Variants in GEMIN5 observed in about 807,000 individuals in gnomAD.
GEMIN5 encodes the protein gem nuclear organelle associated protein 5.
Under a neutral mutation model 176.9 loss-of-function variants are expected in GEMIN5, and 124 were observed. The ratio of observed to expected loss-of-function variants is 0.70; its 90% CI spans 0.61 to 0.81. The LOEUF is 0.81. Ranked by LOEUF, GEMIN5 falls within the 40% of genes least tolerant of loss-of-function variation. The pLI, the probability that GEMIN5 is intolerant of heterozygous loss-of-function variation, is 0.00. For missense variants in GEMIN5, 1,843 were observed against 1,814.6 expected (o/e 1.02, Z -0.28); for synonymous variants, 673 against 665.2 (o/e 1.01, Z -0.18).
rs1763894921 is a variant in GEMIN5 at position 154,920,115 on chromosome 5, A to G, written c.1463-12T>C. ...GTCTCCTTCTCCTCCTGTATGAAAT[A>G]AGAAAAGAAACTTATCAGTTTTGTA... On this transcript the variant is annotated splice_polypyrimidine_tract_variant and intron_variant, in intron 10 of 27. Coordinates refer to ENST00000285873, the MANE Select transcript of GEMIN5 (RefSeq NM_015465.5). 14 of 1,604,396 alleles carry G rather than the reference A, an allele frequency of 8.7e-6. 1 individual carries two copies. Among genetic ancestry groups the G allele is most frequent in the Non-Finnish European group, 1.2e-5 (14 of 1,176,138 alleles).
In GEMIN5 at chr5:154,899,272, T is replaced by G; in HGVS notation, c.3053A>C (p.Glu1018Ala). The G allele has an allele frequency of 6.2e-7, 1 of 1,612,604 alleles. No homozygotes were observed. The highest frequency in any genetic ancestry group is 8.5e-7 in the Non-Finnish European group (1 of 1,179,230). Reference sequence around the variant, plus strand: ...GTACAAGTCCTTCAGGACTGGGTCCTCCGGGCGCAGCCGGGCCTTGGCAAT... The same window carrying G: ...GTACAAGTCCTTCAGGACTGGGTCCGCCGGGCGCAGCCGGGCCTTGGCAAT... ...IAIAKARLRP[E>A]DPVLKDLYLS... Residue 1018 changes from glutamate to alanine, a missense_variant, in exon 22 of 28, where the codon GAG (glutamate) becomes GCG (alanine). Physicochemically the swap from Glu to Ala is moderately radical, Grantham distance 107. Coordinates refer to ENST00000285873, the MANE Select transcript of GEMIN5 (RefSeq NM_015465.5).
At chr5:154,899,130 C>T (rs564230705) in intron 22 of GEMIN5, 61 bp downstream of exon 22, 2 of 1,512,790 alleles carry the variant, frequency 1.3e-6, no homozygotes, top group East Asian at 2.3e-5. Context: ...GTATTCTTGT[C>T]CTCCCCTTCC....
Position 154,935,864 on chromosome 5 carries a change from A to T in GEMIN5, c.486T>A (p.His162Gln). 1 of 1,613,346 alleles carries T rather than the reference A, an allele frequency of 6.2e-7. No individual in the cohort carries two copies. Among genetic ancestry groups the T allele is most frequent in the East Asian group, 2.2e-5 (1 of 44,866 alleles). ...RTIFCLTCSPHHEDLVAIGYK... is the reference protein window; with the variant it reads ...RTIFCLTCSPQHEDLVAIGYK... ...ACCCAATGGCTACTAAATCTTCATG[A>T]TGAGGTGAACAAGTAAGACAGAAAA... The change falls in exon 3 of 28, where the codon CAT (histidine) becomes CAA (glutamine). Residue 162 changes from histidine to glutamine, a missense_variant. Physicochemically the swap from His to Gln is conservative, Grantham distance 24. Transcript: ENST00000285873.
chr5:154,896,925 TATAACA>T (rs1405429978), intron 23 of GEMIN5, among the ~76,000 whole-genome samples: 1 of 152,242 alleles, frequency 6.6e-6, no homozygotes, highest in Non-Finnish European at 1.5e-5. Context: ...TGTGTACTCC[TATAACA>T]ATATCTTCTC....
intron 13 of GEMIN5, 70 bp from the exon 14 acceptor site, chr5:154,913,108 G>T (rs1023954525): frequency 8.9e-5 from 114 of 1,286,158 alleles, no homozygotes; most frequent in Non-Finnish European, 1.1e-4. Context: ...GTACATCCAG[G>T]AAGGCATTCA....
In GEMIN5 at chr5:154,907,621, G is replaced by T. The variant is rs1763595390; in HGVS notation, c.2365C>A (p.Pro789Thr). The change falls in exon 16 of 28, where the codon CCG (proline) becomes ACG (threonine). Residue 789 changes from proline to threonine, a missense_variant. Coordinates refer to ENST00000285873, the MANE Select transcript of GEMIN5 (RefSeq NM_015465.5). ...DQEGEEQARE[P>T]ELPCGLAPAV... is the part of the protein sequence containing the mutation. ...GGAGCAAGGCCACAGGGTAATTCCGGCTCCCGTGCTTGCTCCTCCCCTTCT... is the reference window on the plus strand; with the variant it reads ...GGAGCAAGGCCACAGGGTAATTCCGTCTCCCGTGCTTGCTCCTCCCCTTCT... The T allele has an allele frequency of 6.2e-7, 1 of 1,613,744 alleles. No individual in the cohort carries two copies. Among genetic ancestry groups the T allele is most frequent in the African/African-American group, 1.3e-5 (1 of 74,882 alleles).
At chr5:154,895,993 C>T (rs1360523140) in intron 24 of GEMIN5, 99 bp downstream of exon 24, 1 of 1,384,948 alleles carries the variant, frequency 7.2e-7, no homozygotes, top group African/African-American at 1.5e-5. Context: ...TTCTGAAACA[C>T]AGTCCAGTAT....
At chr5:154,894,095 C>T (rs1763296262) in intron 24 of GEMIN5, among the ~76,000 whole-genome samples, 1 of 152,092 alleles carries the variant, frequency 6.6e-6, no homozygotes, top group South Asian at 2.1e-4. Flanking sequence ...CAGGCTTGTG[C>T]TACCACACCC....
intron 22 of GEMIN5, 37 bp from the exon 23 acceptor site, chr5:154,898,687 AAC>A: frequency 4.8e-6 from 7 of 1,467,414 alleles, no homozygotes; most frequent in Non-Finnish European, 6.7e-6. Context: ...AAATGTCACA[AAC>A]AGATTTTTAT....
chr5:154,902,748 G>C, intron 19 of GEMIN5, 72 bp from the exon 20 acceptor site: 1 of 1,491,384 alleles, frequency 6.7e-7, no homozygotes, highest in Non-Finnish European at 9.2e-7. Flanking sequence ...GAAAAGAAAG[G>C]CAAGATAGAA....
Position 154,929,954 on chromosome 5 carries a change from G to T in GEMIN5, c.782-1295C>A, listed in dbSNP as rs1764126223. Reference sequence around the variant, plus strand: ...ATGGAAGCAACCCAAATGTCCATCAGTGTGTGAGATATGAGTTCTAAATTT... The same window carrying T: ...ATGGAAGCAACCCAAATGTCCATCATTGTGTGAGATATGAGTTCTAAATTT... On this transcript the variant is annotated intron_variant, in intron 5 of 27. Coordinates refer to ENST00000285873, the MANE Select transcript of GEMIN5 (RefSeq NM_015465.5). Among the ~76,000 whole-genome samples, 12 of 152,204 alleles carry T rather than the reference G, an allele frequency of 7.9e-5. 1 individual carries two copies. The highest frequency in any genetic ancestry group is 7.9e-4 in the Admixed American group (12 of 15,282).
chr5:154,928,700 G>A, intron 5 of GEMIN5, 41 bp from the exon 6 acceptor site: 2 of 1,597,954 alleles, frequency 1.3e-6, no homozygotes, highest in Non-Finnish European at 1.7e-6. Flanking sequence ...TCAAGACAGT[G>A]AAACTACATG....
intron 24 of GEMIN5, among the ~76,000 whole-genome samples, chr5:154,895,167 G>C (rs1763323180): frequency 1.3e-5 from 2 of 151,912 alleles, no homozygotes; most frequent in Admixed American, 1.3e-4. Context: ...GAGAAGCCTT[G>C]TTCCTCATAA....
At chr5:154,911,239 C>T (rs1237387370) in intron 15 of GEMIN5, among the ~76,000 whole-genome samples, 1 of 152,010 alleles carries the variant, frequency 6.6e-6, no homozygotes, top group East Asian at 1.9e-4. Flanking sequence ...CTGGGCTGGG[C>T]ACGGTGGCTC....
At chr5:154,903,212 C>A (rs1294427444) in intron 18 of GEMIN5, 37 bp from the exon 19 acceptor site, 1 of 1,302,014 alleles carries the variant, frequency 7.7e-7, no homozygotes, top group African/African-American at 1.4e-5. Context: ...CAGATGAAGT[C>A]ATTACATTGA....
intron 7 of GEMIN5, among the ~76,000 whole-genome samples, chr5:154,926,883 A>C (rs1479780133): frequency 1.3e-5 from 2 of 152,142 alleles, no homozygotes; most frequent in Non-Finnish European, 2.9e-5. Context: ...ATCTCTACTA[A>C]AAACACACAC....
rs753843100 is a variant in GEMIN5, at chr5:154,891,814, T to C, written c.3761-72A>G. The C allele has an allele frequency of 9.1e-6, 13 of 1,423,198 alleles. No homozygotes were observed. The Admixed American group carries it at 1.6e-4, about 17-fold the overall frequency. 88.2% of individuals were successfully genotyped at this position (1,423,198 alleles called of 1,614,324 possible). A position where few individuals can be genotyped will look rare whatever the true frequency, so the allele number is the denominator to read the frequency against. ...CCAGAAATGTGGCTTCCTGCCCTTA[T>C]GTTCTATTTCTTATCAACCAAGAAG... On this transcript the variant is annotated intron_variant, in intron 25 of 27. Transcript: ENST00000285873.
At chr5:154,907,552 C>A (rs773823254) in intron 16 of GEMIN5, 39 bp downstream of exon 16, 2 of 1,494,828 alleles carry the variant, frequency 1.3e-6, no homozygotes, top group Non-Finnish European at 1.9e-6. Flanking sequence ...CCAGACACGA[C>A]CATGAAATCC....
rs771944349 is a variant in GEMIN5, at chr5:154,911,798, T to A, written c.2096A>T (p.Tyr699Phe). 1.9e-6 allele frequency: 3 copies of A among 1,613,844 alleles called. No individual in the cohort carries two copies. The highest frequency in any genetic ancestry group is 1.1e-5 in the South Asian group (1 of 91,074). The change falls in exon 15 of 28, where the codon TAT becomes TTT. Residue 699 changes from tyrosine (Y) to phenylalanine (F), a missense_variant. Coordinates refer to ENST00000285873, the MANE Select transcript of GEMIN5 (RefSeq NM_015465.5). ...CACACAAAAGTCATCTGCCCCTGAA[T>A]AGATGCAGTCTGGATCCAAAGGAGA... Reference protein sequence around the residue: ...AWSPLDPDCIYSGADDFCVHK... With the variant: ...AWSPLDPDCIFSGADDFCVHK...
Sources: gnomAD v4.1 joint callset for allele counts (sites outside exome capture counted in the v4.1 genomes callset) on GRCh38, gnomAD v4.1.1 for gene constraint, MANE v1.5 for transcripts, NCBI Gene and HGNC (gene_info 2026-07-23, HGNC 2026-07-21) for gene names.